CRTAM: variants seen among roughly 807,000 people sequenced by gnomAD.
The protein encoded by CRTAM is cytotoxic and regulatory T cell molecule.
Under a neutral mutation model 50.0 loss-of-function variants are expected in CRTAM, and 44 were observed. That is an observed-to-expected ratio of 0.88 (90% confidence interval 0.69 to 1.13). CRTAM has a LOEUF of 1.13. Ranked by LOEUF, CRTAM falls within the 50% of genes most tolerant of loss-of-function variation. The pLI, the probability that CRTAM is intolerant of heterozygous loss-of-function variation, is 0.00. For missense variants in CRTAM, 448 were observed against 457.5 expected, an observed-to-expected ratio of 0.98 and a Z score of 0.19; for synonymous variants, 159 against 169.3, an observed-to-expected ratio of 0.94 and a Z score of 0.47.
At chr11:122,867,298 A>G in intron 7 of CRTAM, 111 bp from the exon 8 acceptor site, 1 of 899,950 alleles carries the variant, frequency 1.1e-6, no homozygotes, top group Non-Finnish European at 1.7e-6. Flanking sequence ...TCTTCATCTG[A>G]GCTGTCTATT....
chr11:122,870,602 T>C (rs1862241088), intron 9 of CRTAM, among the ~76,000 whole-genome samples: 2 of 152,200 alleles, frequency 1.3e-5, no homozygotes, highest in East Asian at 1.9e-4. Flanking sequence ...TTGTACAGAA[T>C]TGCATAGGCC....
intron 7 of CRTAM, among the ~76,000 whole-genome samples, chr11:122,865,062 G>A (rs1447968457): frequency 6.6e-6 from 1 of 151,576 alleles, no homozygotes; most frequent in Non-Finnish European, 1.5e-5. Flanking sequence ...GTGAGACAGA[G>A]TTTCTTTCTT....
At chr11:122,870,651 C>T (rs2135259324) in intron 9 of CRTAM, among the ~76,000 whole-genome samples, 1 of 152,276 alleles carries the variant, frequency 6.6e-6, no homozygotes, top group Non-Finnish European at 1.5e-5. Flanking sequence ...TTGCAGTAAG[C>T]CCTGTTATTT....
chr11:122,872,246 C>T lies in CRTAM; in HGVS notation c.*847C>T, dbSNP rs913975449. ...ATGAGTCAGATGAGCAAGAAGGCCC[C>T]AGAACCCATGCCCCAAGGCACAAAG... On this transcript the variant is annotated 3_prime_UTR_variant, in exon 10 of 10. Transcript: ENST00000227348. 2 of 152,398 alleles carry T rather than the reference C, an allele frequency of 1.3e-5. No homozygotes were observed. Among genetic ancestry groups the T allele is most frequent in the African/African-American group, 4.8e-5 (2 of 41,568 alleles). 9.4% of individuals were successfully genotyped at this position (152,398 alleles called of 1,614,324 possible).
intron 1 of CRTAM, among the ~76,000 whole-genome samples, chr11:122,839,605 T>A (rs1462778699): frequency 6.6e-6 from 1 of 152,218 alleles, no homozygotes; most frequent in Non-Finnish European, 1.5e-5. Flanking sequence ...AATTATTTTC[T>A]ACCCAAAAGT....
At position 122,854,081 on chromosome 11, in the gene CRTAM, T is replaced by C. The variant is rs770032421; in HGVS notation, c.485T>C (p.Val162Ala). 6.2e-7 allele frequency: 1 copy of C among 1,610,706 alleles called. No homozygotes were observed. Among genetic ancestry groups the C allele is most frequent in the South Asian group, 1.1e-5 (1 of 90,178 alleles). ...ITWLLGNSME[V>A]SGGTLHEFET... ...TGGCTACTTGGGAATAGCATGGAAG[T>C]GTCCGGTAAGGGGAGAAATGGTTCT... The change falls in exon 4 of 10, where the codon GTG (valine) becomes GCG (alanine). Residue 162 changes from valine (V) to alanine (A), a missense_variant. By Grantham distance (64) the Val-to-Ala change is moderately conservative. Coordinates refer to ENST00000227348, the MANE Select transcript of CRTAM (RefSeq NM_019604.4).
chr11:122,862,478 A>T lies in CRTAM; in HGVS notation c.667A>T (p.Thr223Ser). The change falls in exon 6 of 10, where the codon ACA becomes TCA. Residue 223 changes from threonine to serine, a missense_variant. Transcript: ENST00000227348. Reference protein sequence around the residue: ...RFEDLVTDEETASDALERNSL... With the variant: ...RFEDLVTDEESASDALERNSL... ...CCCTTTCCTAGTTACTGATGAAGAG[A>T]CAGCTTCAGATGCTCTGGAGAGAAA... is the stretch of plus-strand genomic sequence containing the variant. 1.2e-6 allele frequency: 2 copies of T among 1,612,434 alleles called. No homozygotes were observed. Among genetic ancestry groups the T allele is most frequent in the East Asian group, 4.5e-5 (2 of 44,876 alleles).
At chr11:122,868,141 A>G (rs766045566) in intron 9 of CRTAM, 42 bp downstream of exon 9, 1 of 1,219,716 alleles carries the variant, frequency 8.2e-7, no homozygotes, top group Admixed American at 1.7e-5. Context: ...AATGAGGTTC[A>G]TTAATGTATT....
intron 2 of CRTAM, among the ~76,000 whole-genome samples, chr11:122,850,697 A>G (rs532232994): frequency 1.3e-5 from 2 of 152,322 alleles, no homozygotes; most frequent in South Asian, 4.1e-4. Context: ...ACATAAAATC[A>G]AGATTTTTAA....
intron 1 of CRTAM, among the ~76,000 whole-genome samples, chr11:122,838,973 G>A (rs755181896): frequency 1.7e-4 from 26 of 152,080 alleles, no homozygotes; most frequent in Non-Finnish European, 2.9e-4. Flanking sequence ...CTGTCGCCCA[G>A]GCTGGAGTGC....
At chr11:122,841,821 G>A (rs777500068) in intron 1 of CRTAM, among the ~76,000 whole-genome samples, 17 of 152,182 alleles carry the variant, frequency 1.1e-4, no homozygotes, top group Non-Finnish European at 2.2e-4. Context: ...AGAAACACCT[G>A]TAACCAAATA....
chr11:122,847,991 G>T (rs1049617085), intron 1 of CRTAM, among the ~76,000 whole-genome samples: 3 of 152,166 alleles, frequency 2.0e-5, no homozygotes, highest in African/African-American at 7.2e-5. Flanking sequence ...CAGAGAGTTG[G>T]TCCCAAGTAT....
chr11:122,864,800 C>A, intron 7 of CRTAM, 81 bp downstream of exon 7: 1 of 1,031,244 alleles, frequency 9.7e-7, no homozygotes, highest in South Asian at 1.4e-5. Context: ...CTTTGTCAGT[C>A]CTCCCTTTTC....
intron 1 of CRTAM, among the ~76,000 whole-genome samples, chr11:122,841,478 G>A (rs1414673374): frequency 6.7e-6 from 1 of 149,904 alleles, no homozygotes; most frequent in Non-Finnish European, 1.5e-5. Flanking sequence ...TCAGCTCACT[G>A]CAAGCTCCAC....
chr11:122,866,770 ATTT>A (rs1348892615), intron 7 of CRTAM, among the ~76,000 whole-genome samples: 1 of 151,774 alleles, frequency 6.6e-6, no homozygotes, highest in Admixed American at 6.6e-5. Context: ...CTCCTGGCTA[ATTT>A]TTTATTATTA....
intron 5 of CRTAM, among the ~76,000 whole-genome samples, chr11:122,861,888 A>G (rs1265396849): frequency 2.0e-5 from 3 of 152,204 alleles, no homozygotes; most frequent in Non-Finnish European, 4.4e-5. Flanking sequence ...AATGTTATAC[A>G]ATAACATTTA....
At chr11:122,845,127 A>G (rs1342407603) in intron 1 of CRTAM, among the ~76,000 whole-genome samples, 3 of 152,180 alleles carry the variant, frequency 2.0e-5, no homozygotes, top group Non-Finnish European at 4.4e-5. Context: ...AGAGCTGAGG[A>G]GCAGCAGCTG....
intron 2 of CRTAM, among the ~76,000 whole-genome samples, chr11:122,851,092 G>A (rs1417562430): frequency 1.3e-5 from 2 of 151,658 alleles, no homozygotes; most frequent in African/African-American, 4.8e-5. Context: ...ATGAAACCCT[G>A]TGTCTACTAA....
At chr11:122,860,086 C>T (rs1289355971) in intron 5 of CRTAM, among the ~76,000 whole-genome samples, 2 of 152,154 alleles carry the variant, frequency 1.3e-5, no homozygotes, top group Non-Finnish European at 2.9e-5. Flanking sequence ...TTGCTCTTGT[C>T]GTTCAGACTG....
Sources: gnomAD v4.1 joint callset for allele counts (sites outside exome capture counted in the v4.1 genomes callset) on GRCh38, gnomAD v4.1.1 for gene constraint, MANE v1.5 for transcripts, NCBI Gene and HGNC (gene_info 2026-07-23, HGNC 2026-07-21) for gene names.